Variants in OR4M1 observed in about 807,000 individuals in gnomAD.
OR4M1 encodes the protein olfactory receptor family 4 subfamily M member 1, also known as olfactory receptor 4M1.
In OR4M1, 7 loss-of-function variants were observed where a neutral mutation model predicts 9.8. The ratio of observed to expected loss-of-function variants is 0.71; its 90% CI spans 0.41 to 1.34. OR4M1 has a LOEUF of 1.34. Among genes scored for constraint, OR4M1 ranks in the 40% most tolerant of loss-of-function variants. The pLI, the probability that OR4M1 is intolerant of heterozygous loss-of-function variation, is 0.01. For synonymous variants in OR4M1, 121 were observed against 139.8 expected (o/e 0.87, Z 0.95); for missense variants, 331 against 380.4 (o/e 0.87, Z 1.08).
rs1878499368 is a variant in OR4M1 at position 19,781,518 on chromosome 14, T to C, written c.*254T>C. The C allele has an allele frequency of 4.4e-6, 2 of 457,396 alleles. No individual in the cohort carries two copies. The highest frequency in any genetic ancestry group is 7.1e-5 in the East Asian group (2 of 28,148). 28.3% of individuals were successfully genotyped at this position (457,396 alleles called of 1,614,324 possible). On this transcript the variant is annotated 3_prime_UTR_variant, in exon 2 of 2. Coordinates refer to ENST00000641200, the MANE Select transcript of OR4M1 (RefSeq NM_001005500.2). ...GAGATATAATAATAATCTGCTAAAG[T>C]ACATTTTAACTAATTGTTTATTGAG...
At position 19,783,667 on chromosome 14, in the gene OR4M1, T is replaced by C. The variant is rs1878567714; in HGVS notation, c.*2403T>C. 3 of 152,418 alleles carry C rather than the reference T, an allele frequency of 2.0e-5. No homozygotes were observed. The South Asian group carries it at 6.2e-4, about 32-fold the overall frequency. The allele number at this position is 152,418 out of a possible 1,614,324, so 9.4% of individuals were successfully genotyped here. A position where few individuals can be genotyped will look rare whatever the true frequency, so the allele number is the denominator to read the frequency against. On this transcript the variant is annotated 3_prime_UTR_variant, in exon 2 of 2. Transcript: ENST00000641200. ...CTTTTAAATGTCTTTTAATCTCTTT[T>C]TTTCTTTCAGTCTCTCCTAGTCCTC... is the stretch of plus-strand genomic sequence containing the variant.
chr14:19,782,236 T>C lies in OR4M1; in HGVS notation c.*972T>C, dbSNP rs1878521674. 1 of 152,304 alleles carries C rather than the reference T, an allele frequency of 6.6e-6. No individual in the cohort carries two copies. Among genetic ancestry groups the C allele is most frequent in the South Asian group, 2.1e-4 (1 of 4,838 alleles). The allele number at this position is 152,304 out of a possible 1,614,324, so 9.4% of individuals were successfully genotyped here. A position where few individuals can be genotyped will look rare whatever the true frequency, so the allele number is the denominator to read the frequency against. ...AGAGACCTGGATGTGTTGGTTCCCA[T>C]GATCCCTTAGAGAATTATTAGGGAC... is the stretch of plus-strand genomic sequence containing the variant. On this transcript the variant is annotated 3_prime_UTR_variant, in exon 2 of 2. Coordinates refer to ENST00000641200, the MANE Select transcript of OR4M1 (RefSeq NM_001005500.2).
At chr14:19,778,188 A>G (rs1393214532) in intron 1 of OR4M1, among the ~76,000 whole-genome samples, 1 of 152,196 alleles carries the variant, frequency 6.6e-6, no homozygotes, top group Non-Finnish European at 1.5e-5. Flanking sequence ...TCTCTTTGAC[A>G]CTTTTTTCTG....
chr14:19,776,151 A>G (rs1469896144), intron 1 of OR4M1, among the ~76,000 whole-genome samples: 1 of 152,236 alleles, frequency 6.6e-6, no homozygotes, highest in African/African-American at 2.4e-5. Context: ...ATATATCCAC[A>G]ATGGTGATTA....
chr14:19,783,158 G>C lies in OR4M1; in HGVS notation c.*1894G>C, dbSNP rs191135431. 1 of 152,388 alleles carries C rather than the reference G, an allele frequency of 6.6e-6. No homozygotes were observed. The highest frequency in any genetic ancestry group is 1.9e-4 in the East Asian group (1 of 5,194). 9.4% of individuals were successfully genotyped at this position (152,388 alleles called of 1,614,324 possible). A position where few individuals can be genotyped will look rare whatever the true frequency, so the allele number is the denominator to read the frequency against. The stretch of plus-strand genomic sequence containing the variant: ...TACTTGGGAATATTATCTGAAATTA[G>C]AAACTAATATCAATGAAGAAAAAGG... On this transcript the variant is annotated 3_prime_UTR_variant, in exon 2 of 2. Transcript: ENST00000641200.
Position 19,781,507 on chromosome 14 carries a change from A to G in OR4M1, c.*243A>G. Reference sequence around the variant, plus strand: ...TATTAGAATTTGAGATATAATAATAATCTGCTAAAGTACATTTTAACTAAT... The same window carrying G: ...TATTAGAATTTGAGATATAATAATAGTCTGCTAAAGTACATTTTAACTAAT... On this transcript the variant is annotated 3_prime_UTR_variant, in exon 2 of 2. Transcript: ENST00000641200. 2.1e-6 allele frequency: 1 copy of G among 487,708 alleles called. No homozygotes were observed. The highest frequency in any genetic ancestry group is 3.3e-5 in the South Asian group (1 of 30,208). The allele number at this position is 487,708 out of a possible 1,614,324, so 30.2% of individuals were successfully genotyped here. A position where few individuals can be genotyped will look rare whatever the true frequency, so the allele number is the denominator to read the frequency against.
chr14:19,780,120 T>A, intron 1 of OR4M1, 174 bp from the exon 2 acceptor site: 1 of 604,554 alleles, frequency 1.7e-6, no homozygotes, highest in African/African-American at 1.9e-5. Flanking sequence ...TGTTCCCAAT[T>A]TATAAGTTCA....
chr14:19,780,100 A>C, intron 1 of OR4M1, 194 bp from the exon 2 acceptor site: 6 of 548,768 alleles, frequency 1.1e-5, no homozygotes, highest in Non-Finnish European at 1.5e-5. Context: ...CACACTTCAT[A>C]TAGTTTTAGT....
chr14:19,783,072 T>C lies in OR4M1; in HGVS notation c.*1808T>C, dbSNP rs938373495. 1 of 152,226 alleles carries C rather than the reference T, an allele frequency of 6.6e-6. No homozygotes were observed. Among genetic ancestry groups the C allele is most frequent in the African/African-American group, 2.4e-5 (1 of 41,460 alleles). The allele number at this position is 152,226 out of a possible 1,614,324, so 9.4% of individuals were successfully genotyped here. A position where few individuals can be genotyped will look rare whatever the true frequency, so the allele number is the denominator to read the frequency against. On this transcript the variant is annotated 3_prime_UTR_variant, in exon 2 of 2. Coordinates refer to ENST00000641200, the MANE Select transcript of OR4M1 (RefSeq NM_001005500.2). ...ACTACAGAAGGATATTTACTGAAAA[T>C]ACTGAAGCTAGTAATACAAAGGAAA... is the stretch of plus-strand genomic sequence containing the variant.
rs771901098 is a variant in OR4M1, at chr14:19,780,734, C to T, written c.412C>T (p.Arg138Ter). ...RPLHYATIMN[R>*]RLCCILVALS... Reference sequence around the variant, plus strand: ...CCTCCACTATGCTACCATCATGAATCGACGTCTCTGCTGTATCCTGGTGGC... The same window carrying T: ...CCTCCACTATGCTACCATCATGAATTGACGTCTCTGCTGTATCCTGGTGGC... Residue 138 changes from arginine (R) to a stop codon, truncating the protein, a stop_gained, in exon 2 of 2, where the codon CGA becomes TGA. Transcript: ENST00000641200. LOFTEE classifies it high-confidence loss of function. 1.3e-5 allele frequency: 21 copies of T among 1,614,080 alleles called. No homozygotes were observed. The highest frequency in any genetic ancestry group is 1.6e-4 in the Middle Eastern group (1 of 6,084).
In OR4M1 at chr14:19,777,050, T is replaced by TATATATATATA. The variant is rs57131693; in HGVS notation, c.-29-3244_-29-3243insATATATATATA. On this transcript the variant is annotated intron_variant, in intron 1 of 1. Coordinates refer to ENST00000641200, the MANE Select transcript of OR4M1 (RefSeq NM_001005500.2). ...TATATATATATATATATATATATAT[T>TATATATATATA]GTTTGTTTGTTTTTCCTGTAATGTT... is the stretch of plus-strand genomic sequence containing the variant. Among the ~76,000 whole-genome samples, 253 of 75,022 alleles carry TATATATATATA rather than the reference T, an allele frequency of 3.4e-3. 13 individuals are homozygous for TATATATATATA. Among genetic ancestry groups the TATATATATATA allele is most frequent in the East Asian group, 4.8e-3 (13 of 2,732 alleles). 49.2% of individuals were successfully genotyped at this position (75,022 alleles called of 152,430 possible). A position where few individuals can be genotyped will look rare whatever the true frequency, so the allele number is the denominator to read the frequency against.
chr14:19,776,403 A>ATGTAC (rs1283497699), intron 1 of OR4M1, among the ~76,000 whole-genome samples: 1 of 152,218 alleles, frequency 6.6e-6, no homozygotes, highest in Non-Finnish European at 1.5e-5. Context: ...CCTACAGAGA[A>ATGTAC]TGTACCTGTA....
In OR4M1 at chr14:19,783,203, A is replaced by G. The variant is rs1188967436; in HGVS notation, c.*1939A>G. 3.3e-5 allele frequency: 5 copies of G among 152,320 alleles called. No individual in the cohort carries two copies. The East Asian group carries it at 9.6e-4, about 29-fold the overall frequency. 9.4% of individuals were successfully genotyped at this position (152,320 alleles called of 1,614,324 possible). A position where few individuals can be genotyped will look rare whatever the true frequency, so the allele number is the denominator to read the frequency against. On this transcript the variant is annotated 3_prime_UTR_variant, in exon 2 of 2. Transcript: ENST00000641200. Reference sequence around the variant, plus strand: ...AAAAGGGGAACTTTTGGCAAACTCTAGTAAGTAATAACTGAGCCTGATTCA... The same window carrying G: ...AAAAGGGGAACTTTTGGCAAACTCTGGTAAGTAATAACTGAGCCTGATTCA...
rs752310594 is a variant in OR4M1, at chr14:19,781,295, G to C, written c.*31G>C. 2.6e-6 allele frequency: 4 copies of C among 1,524,532 alleles called. No individual in the cohort carries two copies. Among genetic ancestry groups the C allele is most frequent in the African/African-American group, 2.8e-5 (2 of 72,482 alleles). The allele number at this position is 1,524,532 out of a possible 1,614,324, so 94.4% of individuals were successfully genotyped here. A position where few individuals can be genotyped will look rare whatever the true frequency, so the allele number is the denominator to read the frequency against. On this transcript the variant is annotated 3_prime_UTR_variant, in exon 2 of 2. Transcript: ENST00000641200. ...AAATTATACATTTTATAGTCCTCCT[G>C]AGGATCATTGTCCTAAAGCAGGAAG...
Position 19,780,685 on chromosome 14 carries a change from C to A in OR4M1, c.363C>A (p.Asp121Glu). 6.2e-7 allele frequency: 1 copy of A among 1,614,262 alleles called. No homozygotes were observed. ...EMFLLTVMAY[D>E]RYAAICRPLH... ...TCTTGCTCACAGTGATGGCCTATGA[C>A]CGCTATGCTGCTATCTGCCGACCCC... Residue 121 changes from aspartate (D) to glutamate (E), a missense_variant, in exon 2 of 2, where the codon GAC (aspartate) becomes GAA (glutamate). Asp to Glu is a conservative substitution (Grantham distance 45). Coordinates refer to ENST00000641200, the MANE Select transcript of OR4M1 (RefSeq NM_001005500.2).
At chr14:19,775,185 TTCCTGATAAGAGACCAACTATATGCTAC>T in intron 1 of OR4M1, among the ~76,000 whole-genome samples, 1 of 152,234 alleles carries the variant, frequency 6.6e-6, no homozygotes. Context: ...CCAGCATTGC[TTCCTGATAAGAGACCAACTATATGCTAC>T]TCATGAAGGG....
At chr14:19,777,610 G>A (rs1186501016) in intron 1 of OR4M1, among the ~76,000 whole-genome samples, 1 of 152,124 alleles carries the variant, frequency 6.6e-6, no homozygotes, top group Non-Finnish European at 1.5e-5. Flanking sequence ...GTTCATTGTT[G>A]TGTCTCAGCA....
chr14:19,780,042 T>G (rs1878421059), intron 1 of OR4M1, among the ~76,000 whole-genome samples: 1 of 152,258 alleles, frequency 6.6e-6, no homozygotes, highest in African/African-American at 2.4e-5. Flanking sequence ...TCAGAAAAAG[T>G]AAGATTTTTA....
At chr14:19,773,835 T>G (rs1878236316) in intron 1 of OR4M1, among the ~76,000 whole-genome samples, 1 of 152,214 alleles carries the variant, frequency 6.6e-6, no homozygotes, top group Non-Finnish European at 1.5e-5. Context: ...CATTTTAAAG[T>G]CAGGATTGAA....
Sources: allele counts gnomAD v4.1 joint callset (sites outside exome capture counted in the v4.1 genomes callset), GRCh38; gene constraint gnomAD v4.1.1; transcripts MANE v1.5; gene names NCBI Gene and HGNC (gene_info 2026-07-23, HGNC 2026-07-21).